CADM2: variants seen among roughly 807,000 people sequenced by gnomAD.
The protein encoded by CADM2 is immunoglobulin superfamily member 4D.
In CADM2, 12 loss-of-function variants were observed where a neutral mutation model predicts 49.8. The ratio of observed to expected loss-of-function variants is 0.24; its 90% CI spans 0.15 to 0.39. The LOEUF (loss-of-function observed/expected upper bound fraction) is 0.39, where lower values mean the gene tolerates loss of function less well. Ranked by LOEUF, CADM2 falls within the 10% of genes least tolerant of loss-of-function variation. The pLI is 1.00. For synonymous variants in CADM2, 214 were observed against 175.4 expected, an observed-to-expected ratio of 1.22 and a Z score of -1.74; for missense variants, 378 against 492.3, an observed-to-expected ratio of 0.77 and a Z score of 2.20.
intron 1 of CADM2, among the ~76,000 whole-genome samples, chr3:85,224,639 C>G (rs533275714): frequency 1.3e-5 from 2 of 152,200 alleles, no homozygotes; most frequent in East Asian, 3.9e-4. Context: ...GCTTTTGTTG[C>G]CATTGCTTTT....
chr3:85,537,699 T>A (rs1209803384), intron 1 of CADM2, among the ~76,000 whole-genome samples: 1 of 151,916 alleles, frequency 6.6e-6, no homozygotes, highest in African/African-American at 2.4e-5. Flanking sequence ...TTGTGTAAAA[T>A]AACTACAAAC....
At chr3:85,728,609 A>T (rs1288622951) in intron 2 of CADM2, among the ~76,000 whole-genome samples, 1 of 152,174 alleles carries the variant, frequency 6.6e-6, no homozygotes, top group Non-Finnish European at 1.5e-5. Context: ...GCTTCAGAAT[A>T]GTTCATTTCT....
chr3:85,876,834 A>G (rs1410543073), intron 3 of CADM2, among the ~76,000 whole-genome samples: 1 of 152,170 alleles, frequency 6.6e-6, no homozygotes, highest in Non-Finnish European at 1.5e-5. Context: ...TAACTAATAT[A>G]CAACTTACTT....
intron 8 of CADM2, among the ~76,000 whole-genome samples, chr3:85,981,344 G>T (rs539323592): frequency 1.2e-3 from 175 of 151,512 alleles, no homozygotes; most frequent in Middle Eastern, 3.4e-3. Context: ...TTGGTCTATT[G>T]CATTTTTTTT....
chr3:85,060,473 G>A (rs917564147), intron 1 of CADM2, among the ~76,000 whole-genome samples: 7 of 152,084 alleles, frequency 4.6e-5, no homozygotes, highest in Non-Finnish European at 2.9e-5. Flanking sequence ...AAAATATCCC[G>A]AAATATGTCC....
At position 85,873,455 on chromosome 3, in the gene CADM2, C is replaced by G. The variant is rs1577531460; in HGVS notation, c.239-9836C>G. ...CCAAGGCAGGCAGATCACTTAAGGT[C>G]AGGAATTTAAGACCAGCCTGGCCAA... On this transcript the variant is annotated intron_variant, in intron 3 of 9. Transcript: ENST00000383699. 2.0e-5 allele frequency among the ~76,000 whole-genome samples: 3 copies of G among 152,066 alleles called. No individual in the cohort carries two copies. In the South Asian group the frequency reaches 6.2e-4, roughly 32 times the overall value.
chr3:85,862,759 A>T (rs2075584550), intron 3 of CADM2, among the ~76,000 whole-genome samples: 1 of 152,220 alleles, frequency 6.6e-6, no homozygotes, highest in African/African-American at 2.4e-5. Flanking sequence ...CAGGTAAGGT[A>T]TCAGAATGGC....
At chr3:85,134,849 A>G (rs1057164162) in intron 1 of CADM2, among the ~76,000 whole-genome samples, 2 of 152,078 alleles carry the variant, frequency 1.3e-5, no homozygotes, top group African/African-American at 2.4e-5. Flanking sequence ...TAATTGTATT[A>G]CAGATATCCC....
chr3:85,272,480 A>G (rs1199908079), intron 1 of CADM2, among the ~76,000 whole-genome samples: 1 of 151,358 alleles, frequency 6.6e-6, no homozygotes, highest in Non-Finnish European at 1.5e-5. Context: ...ATACAGTTCT[A>G]TTCAAACAAC....
chr3:85,341,860 C>A (rs1357785607), intron 1 of CADM2, among the ~76,000 whole-genome samples: 1 of 152,048 alleles, frequency 6.6e-6, no homozygotes, highest in African/African-American at 2.4e-5. Flanking sequence ...TATGTTGAGA[C>A]TTGAACCACA....
At chr3:85,821,887 A>T (rs9968186) in intron 3 of CADM2, among the ~76,000 whole-genome samples, 6,780 of 152,282 alleles carry the variant, frequency 0.045, 519 homozygotes, top group African/African-American at 0.15. Flanking sequence ...CATAAAAAAT[A>T]AAAATGTATG....
intron 1 of CADM2, among the ~76,000 whole-genome samples, chr3:85,298,456 G>T (rs1014487568): frequency 6.6e-6 from 1 of 152,064 alleles, no homozygotes; most frequent in African/African-American, 2.4e-5. Context: ...CATTGAAAAT[G>T]CATGTATACT....
At chr3:85,239,428 T>A (rs538232823) in intron 1 of CADM2, among the ~76,000 whole-genome samples, 11 of 151,830 alleles carry the variant, frequency 7.2e-5, no homozygotes, top group South Asian at 2.1e-4. Context: ...ACAATGAAAC[T>A]ATCTTGAAAC....
At chr3:85,393,748 T>C (rs1473348981) in intron 1 of CADM2, among the ~76,000 whole-genome samples, 2 of 151,320 alleles carry the variant, frequency 1.3e-5, no homozygotes, top group Non-Finnish European at 2.9e-5. Context: ...TGCGTAAATC[T>C]CCATTAAGAT....
chr3:85,505,405 G>A (rs2040304402), intron 1 of CADM2, among the ~76,000 whole-genome samples: 1 of 152,174 alleles, frequency 6.6e-6, no homozygotes, highest in Non-Finnish European at 1.5e-5. Flanking sequence ...GGGAATCATT[G>A]ATTAACACAG....
At chr3:85,446,617 TTTGAGACGGAGTTTCA>T (rs1365924058) in intron 1 of CADM2, among the ~76,000 whole-genome samples, 2 of 150,430 alleles carry the variant, frequency 1.3e-5, no homozygotes, top group African/African-American at 4.9e-5. Flanking sequence ...TTTTTTTTTT[TTTGAGACGGAGTTTCA>T]TTCTTGTTGC....
intron 1 of CADM2, among the ~76,000 whole-genome samples, chr3:85,303,265 T>G (rs1042159760): frequency 6.6e-6 from 1 of 151,946 alleles, no homozygotes; most frequent in Non-Finnish European, 1.5e-5. Flanking sequence ...TAACATTTTA[T>G]TTTTCTTCCT....
chr3:85,120,116 C>T (rs1364561446), intron 1 of CADM2, among the ~76,000 whole-genome samples: 2 of 152,114 alleles, frequency 1.3e-5, no homozygotes, highest in Non-Finnish European at 2.9e-5. Flanking sequence ...CAGAGAAATG[C>T]AAATCAAAAC....
At chr3:85,296,746 A>C (rs1197432795) in intron 1 of CADM2, among the ~76,000 whole-genome samples, 1 of 152,044 alleles carries the variant, frequency 6.6e-6, no homozygotes, top group Non-Finnish European at 1.5e-5. Context: ...AGTGCTCTTT[A>C]AAAAATTACC....
Sources: allele counts gnomAD v4.1 joint callset (sites outside exome capture counted in the v4.1 genomes callset), GRCh38; gene constraint gnomAD v4.1.1; transcripts MANE v1.5; gene names NCBI Gene and HGNC (gene_info 2026-07-23, HGNC 2026-07-21).